Variants in C2orf80 observed in about 807,000 individuals in gnomAD.
C2orf80 encodes the protein chromosome 2 open reading frame 80.
In C2orf80, 28 loss-of-function variants were observed where a neutral mutation model predicts 30.2. The ratio of observed to expected loss-of-function variants is 0.93; its 90% CI spans 0.69 to 1.27. C2orf80 has a LOEUF of 1.27. C2orf80 is among the 50% of genes most tolerant of loss of function. C2orf80 has a pLI of 0.00. For synonymous variants in C2orf80, 80 were observed against 76.4 expected (o/e 1.05, Z -0.24); for missense variants, 220 against 231.0 (o/e 0.95, Z 0.31).
rs188046986 is a variant in C2orf80 at position 208,180,701 on chromosome 2, A to C, written c.366+44T>G. Reference sequence around the variant, plus strand: ...TATACATTTATACACTAAATAAATTATCTCTAAAAATCCCTTCTATTGACA... The same window carrying C: ...TATACATTTATACACTAAATAAATTCTCTCTAAAAATCCCTTCTATTGACA... On this transcript the variant is annotated intron_variant, in intron 6 of 8. Transcript: ENST00000341287. 1.7e-4 allele frequency: 240 copies of C among 1,409,856 alleles called. No homozygotes were observed. The African/African-American group carries it at 3.3e-3, about 19-fold the overall frequency. 87.3% of individuals were successfully genotyped at this position (1,409,856 alleles called of 1,614,324 possible).
At chr2:208,170,128 A>T (rs1696048346) in intron 8 of C2orf80, among the ~76,000 whole-genome samples, 1 of 152,118 alleles carries the variant, frequency 6.6e-6, no homozygotes, top group South Asian at 2.1e-4. Context: ...CAGTTCTCAA[A>T]GTTCCCTTCC....
intron 6 of C2orf80, among the ~76,000 whole-genome samples, chr2:208,178,731 T>C (rs564981396): frequency 2.0e-5 from 3 of 151,388 alleles, no homozygotes; most frequent in South Asian, 2.1e-4. Context: ...CTGTGGAACA[T>C]AGGGAGACCC....
intron 6 of C2orf80, among the ~76,000 whole-genome samples, chr2:208,177,425 C>T (rs1441360232): frequency 6.6e-6 from 1 of 151,962 alleles, no homozygotes; most frequent in South Asian, 2.1e-4. Context: ...CCTGTAATTC[C>T]AGCTACTCAG....
At chr2:208,170,133 C>T (rs1696048468) in intron 8 of C2orf80, among the ~76,000 whole-genome samples, 1 of 152,088 alleles carries the variant, frequency 6.6e-6, no homozygotes, top group Non-Finnish European at 1.5e-5. Context: ...CTCAAAGTTC[C>T]CTTCCCCGTT....
chr2:208,178,586 G>T (rs1030131798), intron 6 of C2orf80, among the ~76,000 whole-genome samples: 2 of 152,046 alleles, frequency 1.3e-5, no homozygotes, highest in African/African-American at 4.8e-5. Flanking sequence ...TCTCAAACAA[G>T]GTAAGCTCCA....
In C2orf80 at chr2:208,171,126, A is replaced by C. The variant is rs185475107; in HGVS notation, c.455-63T>G. ...CTTTTTTAAAAATGTGTCCATCCAAAGTTTCATTTAATTTCATTTCACTAA... is the reference window on the plus strand; with the variant it reads ...CTTTTTTAAAAATGTGTCCATCCAACGTTTCATTTAATTTCATTTCACTAA... On this transcript the variant is annotated intron_variant, in intron 7 of 8. Transcript: ENST00000341287. 749 of 1,020,002 alleles carry C rather than the reference A, an allele frequency of 7.3e-4. 9 individuals carry two copies. In the Admixed American group the frequency reaches 9.3e-3, roughly 13 times the overall value. The allele number at this position is 1,020,002 out of a possible 1,614,324, so 63.2% of individuals were successfully genotyped here. A position where few individuals can be genotyped will look rare whatever the true frequency, so the allele number is the denominator to read the frequency against.
At chr2:208,165,975 AT>A (rs756539592) in intron 8 of C2orf80, among the ~76,000 whole-genome samples, 160 bp from the exon 9 acceptor site, 5 of 152,246 alleles carry the variant, frequency 3.3e-5, no homozygotes, top group Non-Finnish European at 7.3e-5. Context: ...TCATGGAATT[AT>A]TCTGATATAT....
rs568114074 is a variant in C2orf80, at chr2:208,173,482, A to G, written c.367-1407T>C. Reference sequence around the variant, plus strand: ...TACTAAAAATACAAAAAAATTAGCCAGGCGTGGTGGTGGGCACCTGTTGTA... The same window carrying G: ...TACTAAAAATACAAAAAAATTAGCCGGGCGTGGTGGTGGGCACCTGTTGTA... On this transcript the variant is annotated intron_variant, in intron 6 of 8. Transcript: ENST00000341287. Among the ~76,000 whole-genome samples, 45 of 152,034 alleles carry G rather than the reference A, an allele frequency of 3.0e-4. No homozygotes were observed. The South Asian group carries it at 3.3e-3, about 11-fold the overall frequency.
chr2:208,172,330 T>TC (rs1297804064), intron 6 of C2orf80, among the ~76,000 whole-genome samples: 2 of 152,172 alleles, frequency 1.3e-5, no homozygotes, highest in Non-Finnish European at 2.9e-5. Context: ...CAGACACTCT[T>TC]CACATAGTTC....
At position 208,172,069 on chromosome 2, in the gene C2orf80, G is replaced by A. The variant is rs772328176; in HGVS notation, c.373C>T (p.Arg125Ter). ...SADSGTIKVP[R>*]VSSLCLSLHP... ...AAGGAGAGGCAGAGAGATGAAACTCGGGGAACCTGAAAGGAAAACAGTCCT... is the reference window on the plus strand; with the variant it reads ...AAGGAGAGGCAGAGAGATGAAACTCAGGGAACCTGAAAGGAAAACAGTCCT... Residue 125 changes from arginine (R) to a stop codon, truncating the protein, a stop_gained, in exon 7 of 9, where the codon CGA becomes TGA. Transcript: ENST00000341287. LOFTEE classifies it high-confidence loss of function. 16 of 1,612,488 alleles carry A rather than the reference G, an allele frequency of 9.9e-6. No homozygotes were observed. Among genetic ancestry groups the A allele is most frequent in the East Asian group, 4.5e-5 (2 of 44,882 alleles).
intron 6 of C2orf80, among the ~76,000 whole-genome samples, chr2:208,174,338 C>T (rs1184095203): frequency 1.3e-5 from 2 of 152,098 alleles, no homozygotes; most frequent in Non-Finnish European, 2.9e-5. Flanking sequence ...AATTTCTGCA[C>T]AATTCGGTCT....
rs974492167 is a variant in C2orf80, at chr2:208,187,012, G to A, written c.-26C>T. On this transcript the variant is annotated 5_prime_UTR_variant, in exon 2 of 9. Coordinates refer to ENST00000341287, the MANE Select transcript of C2orf80 (RefSeq NM_001099334.3). Reference sequence around the variant, plus strand: ...GTTAAAGGCTTAGCCAGCTGAGCAGGTATCTGCAGCTAACACTACACTTAG... The same window carrying A: ...GTTAAAGGCTTAGCCAGCTGAGCAGATATCTGCAGCTAACACTACACTTAG... 8.1e-6 allele frequency: 13 copies of A among 1,612,784 alleles called. No individual in the cohort carries two copies. Among genetic ancestry groups the A allele is most frequent in the African/African-American group, 1.3e-5 (1 of 74,892 alleles).
chr2:208,174,747 G>T lies in C2orf80; in HGVS notation c.367-2672C>A, dbSNP rs568535534. 4.6e-5 allele frequency among the ~76,000 whole-genome samples: 7 copies of T among 152,340 alleles called. No individual in the cohort carries two copies. In the East Asian group the frequency reaches 1.3e-3, roughly 29 times the overall value. On this transcript the variant is annotated intron_variant, in intron 6 of 8. Transcript: ENST00000341287. ...TGACATGCCCTGGACTTGGATGTCA[G>T]TTAGGATGGACTCGAATGATAGCCA... is the stretch of plus-strand genomic sequence containing the variant.
At chr2:208,170,042 A>G (rs1444421667) in intron 8 of C2orf80, among the ~76,000 whole-genome samples, 1 of 152,194 alleles carries the variant, frequency 6.6e-6, no homozygotes, top group Admixed American at 6.5e-5. Context: ...GCATGGTACA[A>G]CAGCCAAACT....
In C2orf80 at chr2:208,183,052, G is replaced by A; in HGVS notation, c.124-5C>T. 6.2e-7 allele frequency: 1 copy of A among 1,613,466 alleles called. No individual in the cohort carries two copies. The highest frequency in any genetic ancestry group is 8.5e-7 in the Non-Finnish European group (1 of 1,179,398). ...GATGGCCAAGTCATAGTGTGCCTGG[G>A]AGCAGGAAGCACAGAGAGCAAAGAA... On this transcript the variant is annotated splice_region_variant and splice_polypyrimidine_tract_variant and intron_variant, in intron 3 of 8. Transcript: ENST00000341287.
At chr2:208,180,215 C>T (rs1696509840) in intron 6 of C2orf80, among the ~76,000 whole-genome samples, 1 of 151,922 alleles carries the variant, frequency 6.6e-6, no homozygotes, top group Admixed American at 6.6e-5. Context: ...TTTAGGAGGC[C>T]AAGGCAAGCA....
At chr2:208,179,980 T>A (rs537832961) in intron 6 of C2orf80, among the ~76,000 whole-genome samples, 212 of 152,120 alleles carry the variant, frequency 1.4e-3, no homozygotes, top group African/African-American at 4.9e-3. Flanking sequence ...CTTTAAAAAA[T>A]GTAGTAGTGT....
intron 8 of C2orf80, among the ~76,000 whole-genome samples, chr2:208,166,350 C>T (rs1318970703): frequency 2.0e-5 from 3 of 152,120 alleles, no homozygotes; most frequent in Admixed American, 1.3e-4. Flanking sequence ...CCATTCGTGA[C>T]TGTATAAAAG....
intron 1 of C2orf80, among the ~76,000 whole-genome samples, chr2:208,188,840 A>G (rs1470676015): frequency 6.6e-6 from 1 of 152,192 alleles, no homozygotes; most frequent in Non-Finnish European, 1.5e-5. Flanking sequence ...AGAAAGTAAG[A>G]GCATTTCACA....
Sources: allele counts gnomAD v4.1 joint callset (sites outside exome capture counted in the v4.1 genomes callset), GRCh38; gene constraint gnomAD v4.1.1; transcripts MANE v1.5; gene names NCBI Gene and HGNC (gene_info 2026-07-23, HGNC 2026-07-21).